Variants in SMAD2 observed in about 807,000 individuals in gnomAD.
The protein encoded by SMAD2 is SMAD family member 2, also known as MAD homolog 2.
SMAD2 carries 8 observed loss-of-function variants against 64.4 expected under a neutral mutation model. The observed-to-expected ratio is 0.12, with a 90% CI of 0.07 to 0.22. The LOEUF is 0.22. Among genes scored for constraint, SMAD2 ranks in the 10% least tolerant of loss-of-function variants. SMAD2 has a pLI of 1.00. For synonymous variants in SMAD2, 203 were observed against 195.8 expected (o/e 1.04, Z -0.31); for missense variants, 289 against 561.2 (o/e 0.51, Z 4.90).
chr18:47,862,017 G>C (rs899222741), intron 6 of SMAD2, among the ~76,000 whole-genome samples: 1 of 152,198 alleles, frequency 6.6e-6, no homozygotes, highest in Non-Finnish European at 1.5e-5. Flanking sequence ...GTCTCACTAT[G>C]CTATTTTGAT....
intron 7 of SMAD2, among the ~76,000 whole-genome samples, chr18:47,849,641 T>C (rs769316238): frequency 4.3e-4 from 66 of 152,240 alleles, no homozygotes; most frequent in South Asian, 8.3e-4. Context: ...TCATCCTGTA[T>C]ACTTTAAATA....
intron 2 of SMAD2, among the ~76,000 whole-genome samples, chr18:47,877,591 T>C (rs1453310320): frequency 6.6e-6 from 1 of 152,150 alleles, no homozygotes; most frequent in Non-Finnish European, 1.5e-5. Context: ...TTAAATGTCA[T>C]TTATCACATC....
rs561856523 is a variant in SMAD2, at chr18:47,875,254, A to C, written c.237-4690T>G. Among the ~76,000 whole-genome samples, 13 of 152,246 alleles carry C rather than the reference A, an allele frequency of 8.5e-5. No homozygotes were observed. In the South Asian group the frequency reaches 2.7e-3, roughly 32 times the overall value. On this transcript the variant is annotated intron_variant, in intron 2 of 10. Coordinates refer to ENST00000262160, the MANE Select transcript of SMAD2 (RefSeq NM_005901.6). ...TTTTAAGATGCCTTTGGTAGGTTTT[A>C]ATGAGGCAGTTTTAATCACCCACTC... is the stretch of plus-strand genomic sequence containing the variant.
chr18:47,882,136 T>C (rs1010972812), intron 2 of SMAD2, among the ~76,000 whole-genome samples: 4 of 146,502 alleles, frequency 2.7e-5, no homozygotes, highest in Non-Finnish European at 4.5e-5. Context: ...TCCTACTGCG[T>C]TGGCCTCCCA....
At chr18:47,925,193 G>T (rs538353333) in intron 1 of SMAD2, among the ~76,000 whole-genome samples, 28 of 152,210 alleles carry the variant, frequency 1.8e-4, no homozygotes, top group Non-Finnish European at 3.8e-4. Context: ...CTACAGCCTT[G>T]AGGCCAATGT....
rs1288999499 is a variant in SMAD2, at chr18:47,817,923, T to A, written c.*23904A>T. The A allele has an allele frequency of 6.6e-6, 1 of 152,246 alleles. No homozygotes were observed. The highest frequency in any genetic ancestry group is 2.4e-5 in the African/African-American group (1 of 41,464). 9.4% of individuals were successfully genotyped at this position (152,246 alleles called of 1,614,324 possible). A position where few individuals can be genotyped will look rare whatever the true frequency, so the allele number is the denominator to read the frequency against. On this transcript the variant is annotated 3_prime_UTR_variant, in exon 11 of 11. Transcript: ENST00000262160. ...AGGATTTACAGAATTTTCTTTGCTC[T>A]TAAGAGATTGAGAAGAAACAAAATG...
chr18:47,858,036 G>C (rs925409868), intron 6 of SMAD2, among the ~76,000 whole-genome samples: 7 of 152,058 alleles, frequency 4.6e-5, no homozygotes, highest in Non-Finnish European at 1.0e-4. Flanking sequence ...CCTCAACTTG[G>C]CAAATAGAGA....
chr18:47,851,263 G>A lies in SMAD2; in HGVS notation c.784+11C>T. On this transcript the variant is annotated intron_variant, in intron 7 of 10. Transcript: ENST00000262160. ...TATAAAAATGATGAGGGGAACATAT[G>A]TGCAACTTACCCAAGCTATGATTAA... is the stretch of plus-strand genomic sequence containing the variant. The A allele has an allele frequency of 6.3e-7, 1 of 1,586,148 alleles. No homozygotes were observed. Among genetic ancestry groups the A allele is most frequent in the South Asian group, 1.1e-5 (1 of 90,472 alleles).
Position 47,830,959 on chromosome 18 carries a change from T to TAC in SMAD2, c.*10866_*10867dup, listed in dbSNP as rs58420738. On this transcript the variant is annotated 3_prime_UTR_variant, in exon 11 of 11. Coordinates refer to ENST00000262160, the MANE Select transcript of SMAD2 (RefSeq NM_005901.6). ...AAAAAGTTAACTAAGTTTCACTTAA[T>TAC]ACACACACACACACTAGGGTTTATA... is the stretch of plus-strand genomic sequence containing the variant. The TAC allele has an allele frequency of 0.16, 24,637 of 152,112 alleles. 2,308 individuals carry two copies. Among genetic ancestry groups the TAC allele is most frequent in the African/African-American group, 0.26 (10,679 of 41,380 alleles). 9.4% of individuals were successfully genotyped at this position (152,112 alleles called of 1,614,324 possible). A position where few individuals can be genotyped will look rare whatever the true frequency, so the allele number is the denominator to read the frequency against.
intron 8 of SMAD2, among the ~76,000 whole-genome samples, chr18:47,848,168 C>A (rs1182048471): frequency 1.3e-5 from 2 of 151,794 alleles, no homozygotes; most frequent in African/African-American, 4.8e-5. Flanking sequence ...AGTATTAACC[C>A]CCAAATCTGA....
At chr18:47,845,121 T>C in intron 10 of SMAD2, 1 of 625,940 alleles carries the variant, frequency 1.6e-6, no homozygotes. Context: ...TGAATTACGT[T>C]AAAATGCACG....
chr18:47,913,971 G>A (rs2034240027), intron 1 of SMAD2, among the ~76,000 whole-genome samples: 1 of 152,164 alleles, frequency 6.6e-6, no homozygotes, highest in African/African-American at 2.4e-5. Context: ...TGATACCTTA[G>A]TAAAATTAGG....
chr18:47,883,683 G>A (rs2032736726), intron 2 of SMAD2, among the ~76,000 whole-genome samples: 1 of 152,072 alleles, frequency 6.6e-6, no homozygotes, highest in Non-Finnish European at 1.5e-5. Flanking sequence ...CCTGATGTTG[G>A]TGATTTAGAT....
intron 6 of SMAD2, among the ~76,000 whole-genome samples, chr18:47,851,591 G>A (rs1389122062): frequency 2.0e-5 from 3 of 151,748 alleles, no homozygotes; most frequent in South Asian, 2.1e-4. Context: ...TAATATTGAC[G>A]GTTCCTTGGG....
At chr18:47,866,932 T>C (rs2031605411) in intron 5 of SMAD2, 1 of 152,222 alleles carries the variant, frequency 6.6e-6, no homozygotes, top group Non-Finnish European at 1.5e-5. Context: ...TTCTGGTGAA[T>C]AGCCTTCCAA....
chr18:47,882,403 A>C (rs1259069627), intron 2 of SMAD2: 1 of 146,160 alleles, frequency 6.8e-6, no homozygotes, highest in Non-Finnish European at 1.5e-5. Context: ...TGCTTTGTTG[A>C]CCAGGCTGGT....
chr18:47,911,863 T>C (rs2034149865), intron 1 of SMAD2, among the ~76,000 whole-genome samples: 1 of 152,222 alleles, frequency 6.6e-6, no homozygotes, highest in Non-Finnish European at 1.5e-5. Flanking sequence ...CATGTAATCA[T>C]CTACCAACTA....
chr18:47,846,133 T>G (rs1914467710), intron 8 of SMAD2, among the ~76,000 whole-genome samples: 1 of 152,176 alleles, frequency 6.6e-6, no homozygotes, highest in African/African-American at 2.4e-5. Flanking sequence ...AATTCACTAA[T>G]GTTTGGAGAA....
intron 1 of SMAD2, among the ~76,000 whole-genome samples, chr18:47,916,339 C>T (rs2034334731): frequency 2.0e-5 from 3 of 152,124 alleles, no homozygotes; most frequent in Admixed American, 6.5e-5. Flanking sequence ...CATACGGGGT[C>T]TTCATTTGTA....
Sources: allele counts gnomAD v4.1 joint callset (sites outside exome capture counted in the v4.1 genomes callset), GRCh38; gene constraint gnomAD v4.1.1; transcripts MANE v1.5; gene names NCBI Gene and HGNC (gene_info 2026-07-23, HGNC 2026-07-21).